LEO1: variants seen among roughly 807,000 people sequenced by gnomAD.
The protein encoded by LEO1 is LEO1 component of Paf1/RNA polymerase II complex.
A neutral mutation model predicts 80.4 loss-of-function variants in LEO1; 34 were observed. The observed-to-expected ratio is 0.42, with a 90% CI of 0.32 to 0.56. The LOEUF (loss-of-function observed/expected upper bound fraction) is 0.56. Ranked by LOEUF, LEO1 falls within the 20% of genes least tolerant of loss-of-function variation. The pLI, the probability that LEO1 is intolerant of heterozygous loss-of-function variation, is 0.10. For missense variants in LEO1, 631 were observed against 814.2 expected, an observed-to-expected ratio of 0.77 and a Z score of 2.74; for synonymous variants, 262 against 274.9, an observed-to-expected ratio of 0.95 and a Z score of 0.46.
intron 3 of LEO1, among the ~76,000 whole-genome samples, chr15:51,961,646 G>A (rs8033701): frequency 6.6e-6 from 1 of 151,564 alleles, no homozygotes; most frequent in Non-Finnish European, 1.5e-5. Flanking sequence ...CACCCACCTT[G>A]GCCTCCCAAA....
chr15:51,965,936 CT>C lies in LEO1; in HGVS notation c.626del (p.Lys209ArgfsTer10). 6.2e-7 allele frequency: 1 copy of C among 1,614,102 alleles called. No individual in the cohort carries two copies. The highest frequency in any genetic ancestry group is 2.2e-5 in the East Asian group (1 of 44,890). ...CCGGCCGTTCATCATCAGAATTAGCCTTTTCCTCCTCAGATAGCTGTTGTCT... is the reference window on the plus strand; with the variant it reads ...CCGGCCGTTCATCATCAGAATTAGCCTTTCCTCCTCAGATAGCTGTTGTCT... Reference protein sequence around the residue: ...DERQQLSEEEKANSDDERPVA... With the variant: ...DERQQLSEEEXANSDDERPVA... On this transcript the variant is annotated frameshift_variant, in exon 2 of 12. Transcript: ENST00000299601. LOFTEE classifies it high-confidence loss of function.
chr15:51,960,097 C>T, intron 4 of LEO1, 53 bp from the exon 5 acceptor site: 3 of 1,393,836 alleles, frequency 2.2e-6, no homozygotes, highest in African/African-American at 1.4e-5. Flanking sequence ...AAATGGCTTC[C>T]TTCAACCTCC....
intron 11 of LEO1, among the ~76,000 whole-genome samples, chr15:51,939,737 G>C (rs1235685651): frequency 6.6e-6 from 1 of 152,198 alleles, no homozygotes; most frequent in Non-Finnish European, 1.5e-5. Flanking sequence ...CCAAAAGTGA[G>C]CCTTGGTGTG....
chr15:51,955,734 G>T (rs1039323923), intron 6 of LEO1, among the ~76,000 whole-genome samples: 5 of 152,166 alleles, frequency 3.3e-5, no homozygotes, highest in African/African-American at 7.2e-5. Context: ...CCAGTCCCAC[G>T]GAGATCGTCT....
rs367614131 is a variant in LEO1, at chr15:51,949,945, C to T, written c.1661G>A (p.Arg554His). The change falls in exon 10 of 12, where the codon CGC (arginine) becomes CAC (histidine). Residue 554 changes from arginine (R) to histidine (H), a missense_variant. Physicochemically the swap from Arg to His is conservative, Grantham distance 29. This residue lies in a region of LEO1 where 117 missense variants were observed against 163.5 expected (regional missense o/e 0.72). Transcript: ENST00000299601. Reference sequence around the variant, plus strand: ...CTGGTGCTGTTTCTCTCTCATTCGGCGCTGCTGAGATTCCCTACGTATGGA... The same window carrying T: ...CTGGTGCTGTTTCTCTCTCATTCGGTGCTGCTGAGATTCCCTACGTATGGA... ...RASIRRESQQ[R>H]RMREKQHQRG... The T allele has an allele frequency of 1.9e-6, 3 of 1,613,974 alleles. No individual in the cohort carries two copies. The highest frequency in any genetic ancestry group is 2.2e-5 in the East Asian group (1 of 44,884).
chr15:51,947,025 A>T, intron 11 of LEO1: 1 of 418,948 alleles, frequency 2.4e-6, no homozygotes, highest in Non-Finnish European at 4.3e-6. Flanking sequence ...TACCAGAGAC[A>T]GGACAGTTTG....
chr15:51,957,490 G>A (rs1485063302), intron 6 of LEO1, among the ~76,000 whole-genome samples: 1 of 152,134 alleles, frequency 6.6e-6, no homozygotes, highest in Non-Finnish European at 1.5e-5. Flanking sequence ...CAGTATATCT[G>A]TTGACTGTGT....
At chr15:51,950,947 A>G (rs2056944040) in intron 9 of LEO1, among the ~76,000 whole-genome samples, 1 of 152,242 alleles carries the variant, frequency 6.6e-6, no homozygotes, top group South Asian at 2.1e-4. Context: ...GGGGAAATGG[A>G]ACAAGCCCAG....
intron 1 of LEO1, among the ~76,000 whole-genome samples, chr15:51,967,125 A>G (rs1179650836): frequency 6.6e-6 from 1 of 152,172 alleles, no homozygotes; most frequent in Non-Finnish European, 1.5e-5. Flanking sequence ...AGTTATACCA[A>G]TGTATGCATA....
chr15:51,964,835 T>G (rs746018050), intron 2 of LEO1, among the ~76,000 whole-genome samples: 1 of 152,232 alleles, frequency 6.6e-6, no homozygotes, highest in African/African-American at 2.4e-5. Context: ...TTTTATATAA[T>G]ACAAAGAAAT....
intron 11 of LEO1, among the ~76,000 whole-genome samples, chr15:51,942,977 G>A (rs913740348): frequency 1.3e-5 from 2 of 151,788 alleles, no homozygotes; most frequent in South Asian, 2.1e-4. Context: ...CTAGTGCCAG[G>A]CACAGTGGCT....
At chr15:51,945,262 C>CCAAAAAAAAAA (rs2056889485) in intron 11 of LEO1, among the ~76,000 whole-genome samples, 7 of 80,394 alleles carry the variant, frequency 8.7e-5, no homozygotes, top group South Asian at 5.0e-4. Flanking sequence ...ACAAAAAATA[C>CCAAAAAAAAAA]AAAAAAAAAA....
chr15:51,952,452 C>T (rs529812653), intron 8 of LEO1, among the ~76,000 whole-genome samples: 1 of 152,064 alleles, frequency 6.6e-6, no homozygotes, highest in South Asian at 2.1e-4. Flanking sequence ...ATGAGTCTAA[C>T]TGATTCCAAA....
At chr15:51,953,042 C>T (rs929393819) in intron 8 of LEO1, 87 bp downstream of exon 8, 4 of 1,089,708 alleles carry the variant, frequency 3.7e-6, no homozygotes, top group Non-Finnish European at 5.4e-6. Context: ...CGTGGGGTTA[C>T]ATCAATCAGG....
At chr15:51,963,313 G>C (rs2141775117) in intron 2 of LEO1, among the ~76,000 whole-genome samples, 1 of 151,590 alleles carries the variant, frequency 6.6e-6, no homozygotes, top group South Asian at 2.1e-4. Flanking sequence ...ACAAAAACTT[G>C]GTAGAAATGA....
intron 2 of LEO1, among the ~76,000 whole-genome samples, chr15:51,965,199 C>T (rs999445036): frequency 6.6e-6 from 1 of 152,218 alleles, no homozygotes; most frequent in Non-Finnish European, 1.5e-5. Context: ...CCTCTTGAAA[C>T]AATTTTGCAA....
chr15:51,954,644 A>G, intron 6 of LEO1, 69 bp from the exon 7 acceptor site: 1 of 995,964 alleles, frequency 1.0e-6, no homozygotes, highest in East Asian at 2.4e-5. Flanking sequence ...TTTTTCCTCA[A>G]GAGGCACATA....
intron 5 of LEO1, 85 bp from the exon 6 acceptor site, chr15:51,958,911 C>A (rs1046913722): frequency 3.4e-6 from 2 of 590,228 alleles, no homozygotes; most frequent in South Asian, 2.6e-5. Flanking sequence ...TTAATAAACA[C>A]CATTATATCA....
intron 5 of LEO1, 78 bp downstream of exon 5, chr15:51,959,821 T>G: frequency 7.6e-7 from 1 of 1,322,460 alleles, no homozygotes; most frequent in Non-Finnish European, 1.0e-6. Flanking sequence ...ATTTGTCAAC[T>G]CAATGCGAAA....
Sources: gnomAD v4.1 joint callset for allele counts (sites outside exome capture counted in the v4.1 genomes callset) on GRCh38, gnomAD v4.1.1 for gene constraint, gnomAD v4.1.1 regional missense constraint, MANE v1.5 for transcripts, NCBI Gene and HGNC (gene_info 2026-07-23, HGNC 2026-07-21) for gene names.